Variants in MAST4 observed in about 807,000 individuals in gnomAD.
MAST4 encodes the protein microtubule associated serine/threonine kinase family member 4, also known as microtubule-associated serine/threonine-protein kinase 4.
MAST4 carries 89 observed loss-of-function variants against 162.7 expected under a neutral mutation model. That is an observed-to-expected ratio of 0.55 (90% CI 0.46 to 0.65). The LOEUF (loss-of-function observed/expected upper bound fraction) is 0.65. MAST4 is among the 30% of genes least tolerant of loss of function. The probability of loss-of-function intolerance (pLI) is 0.00; values close to 1 mark genes in which losing one functional copy is unlikely to be tolerated. For missense variants in MAST4, 3,153 were observed against 3,374.0 expected, an observed-to-expected ratio of 0.93 and a Z score of 1.62; for synonymous variants, 1,479 against 1,361.1, an observed-to-expected ratio of 1.09 and a Z score of -1.91.
rs751767935 is a variant in MAST4, at chr5:67,166,294, A to G, written c.7115A>G (p.Lys2372Arg). ...AANTDRRAEG[K>R]KCTEALYAPA... ...AACACCGACAGAAGGGCGGAAGGGA[A>G]GAAATGCACTGAAGCACTTTATGCT... Residue 2372 changes from lysine to arginine, a missense_variant, in exon 29 of 29, where the codon AAG becomes AGG. Physicochemically the swap from Lys to Arg is conservative, Grantham distance 26. Coordinates refer to ENST00000403625, the MANE Select transcript of MAST4 (RefSeq NM_001164664.2). 5.1e-6 allele frequency: 8 copies of G among 1,565,744 alleles called. No homozygotes were observed. The East Asian group carries it at 1.9e-4, about 37-fold the overall frequency.
At position 66,874,512 on chromosome 5, in the gene MAST4, G is replaced by A. The variant is rs1399722118; in HGVS notation, c.643-25439G>A. ...AAACAGGTTCATAAAGATGGTATGA[G>A]ATTTTGAGTATGTGAGAGCAAATAG... On this transcript the variant is annotated intron_variant, in intron 3 of 28. Coordinates refer to ENST00000403625, the MANE Select transcript of MAST4 (RefSeq NM_001164664.2). Among the ~76,000 whole-genome samples, 3 of 152,144 alleles carry A rather than the reference G, an allele frequency of 2.0e-5. No individual in the cohort carries two copies. In the East Asian group the frequency reaches 5.8e-4, roughly 29 times the overall value.
At chr5:66,834,054 T>A (rs1366945725) in intron 3 of MAST4, among the ~76,000 whole-genome samples, 2 of 152,182 alleles carry the variant, frequency 1.3e-5, no homozygotes, top group African/African-American at 4.8e-5. Context: ...TTAGCTGTCT[T>A]CCCTCTGTCA....
intron 1 of MAST4, among the ~76,000 whole-genome samples, chr5:66,629,922 CTATT>C (rs1432795151): frequency 5.9e-5 from 9 of 152,144 alleles, no homozygotes; most frequent in African/African-American, 2.2e-4. Flanking sequence ...TTTGCCTTAA[CTATT>C]AACTTGTAAG....
At chr5:66,758,500 T>G (rs1753680381) in intron 1 of MAST4, among the ~76,000 whole-genome samples, 1 of 152,166 alleles carries the variant, frequency 6.6e-6, no homozygotes, top group African/African-American at 2.4e-5. Context: ...CACTGTAGAC[T>G]TGACCTCCTG....
intron 3 of MAST4, among the ~76,000 whole-genome samples, chr5:66,879,090 C>T (rs1761501191): frequency 6.6e-6 from 1 of 152,036 alleles, no homozygotes; most frequent in Non-Finnish European, 1.5e-5. Flanking sequence ...CCATCCTGGC[C>T]AACATGGTGA....
At chr5:66,952,443 A>G (rs2150134021) in intron 4 of MAST4, among the ~76,000 whole-genome samples, 1 of 152,268 alleles carries the variant, frequency 6.6e-6, no homozygotes. Flanking sequence ...GCTTGAAAAA[A>G]TGAACTCCAG....
intron 4 of MAST4, among the ~76,000 whole-genome samples, chr5:66,965,590 G>GGGGA (rs1746624033): frequency 1.3e-4 from 16 of 120,976 alleles, no homozygotes; most frequent in African/African-American, 4.6e-4. Flanking sequence ...GTGGGGGCGG[G>GGGGA]GGGGGGGGCG....
chr5:66,658,153 GAGCTGAGGAA>G, intron 1 of MAST4, among the ~76,000 whole-genome samples: 1 of 152,336 alleles, frequency 6.6e-6, no homozygotes, highest in Middle Eastern at 3.4e-3. Flanking sequence ...CGTATAAAGA[GAGCTGAGGAA>G]TAGGAATAAT....
intron 1 of MAST4, among the ~76,000 whole-genome samples, chr5:66,687,724 T>C (rs756494988): frequency 9.9e-5 from 15 of 152,148 alleles, no homozygotes; most frequent in Non-Finnish European, 1.8e-4. Context: ...ATGGATACTT[T>C]GGTTGAATCC....
chr5:67,158,970 G>C (rs1233743679), intron 26 of MAST4, among the ~76,000 whole-genome samples: 1 of 152,190 alleles, frequency 6.6e-6, no homozygotes, highest in African/African-American at 2.4e-5. Flanking sequence ...GGAGGTAGAG[G>C]TTGCAGTGAG....
chr5:66,868,657 C>G (rs1299635177), intron 3 of MAST4, among the ~76,000 whole-genome samples: 1 of 151,986 alleles, frequency 6.6e-6, no homozygotes, highest in Non-Finnish European at 1.5e-5. Flanking sequence ...CCTCCAGGCT[C>G]TTCCTTGTTT....
intron 14 of MAST4, among the ~76,000 whole-genome samples, chr5:67,123,708 A>C (rs1023100694): frequency 6.6e-4 from 100 of 152,338 alleles, no homozygotes; most frequent in African/African-American, 2.4e-3. Flanking sequence ...CATAACTTCA[A>C]ATGTTTTCAA....
At position 67,135,167 on chromosome 5, in the gene MAST4, A is replaced by G. The variant is rs557223698; in HGVS notation, c.2392+479A>G. On this transcript the variant is annotated intron_variant, in intron 18 of 28. Coordinates refer to ENST00000403625, the MANE Select transcript of MAST4 (RefSeq NM_001164664.2). ...CCAAATAATAAATAATGAGAATGGG[A>G]AAGAAGCAAGTTGAATCCACAGATT... Among the ~76,000 whole-genome samples, 6 of 152,340 alleles carry G rather than the reference A, an allele frequency of 3.9e-5. No homozygotes were observed. In the East Asian group the frequency reaches 1.2e-3, roughly 29 times the overall value.
At chr5:66,953,393 G>T (rs1363935) in intron 4 of MAST4, among the ~76,000 whole-genome samples, 8,200 of 152,190 alleles carry the variant, frequency 0.054, 327 homozygotes, top group Middle Eastern at 0.11. Context: ...TCTTATGTCA[G>T]CCTATTTAAC....
chr5:66,895,804 C>G (rs1004943733), intron 3 of MAST4, among the ~76,000 whole-genome samples: 2 of 152,170 alleles, frequency 1.3e-5, no homozygotes, highest in African/African-American at 4.8e-5. Flanking sequence ...CATCAGTCTT[C>G]CCTTCTCCCT....
intron 3 of MAST4, among the ~76,000 whole-genome samples, chr5:66,799,063 G>C (rs1295193512): frequency 1.3e-5 from 2 of 152,162 alleles, no homozygotes; most frequent in Admixed American, 1.3e-4. Context: ...CTCCTTGACA[G>C]ATTCACATGA....
intron 4 of MAST4, among the ~76,000 whole-genome samples, chr5:67,017,216 CCA>C (rs1374289530): frequency 6.6e-6 from 1 of 152,060 alleles, no homozygotes; most frequent in African/African-American, 2.4e-5. Flanking sequence ...ATTCTCTAAA[CCA>C]CACACACACA....
At chr5:67,120,717 C>G (rs1767479356) in intron 13 of MAST4, among the ~76,000 whole-genome samples, 2 of 152,046 alleles carry the variant, frequency 1.3e-5, no homozygotes, top group Admixed American at 1.3e-4. Context: ...GAGTTAAATT[C>G]CAAAATGTTA....
chr5:66,986,515 C>G, intron 4 of MAST4: 1 of 1,544,070 alleles, frequency 6.5e-7, no homozygotes, highest in Non-Finnish European at 8.8e-7. Context: ...AAAACATATC[C>G]AAAGCTCATA....
Sources: gnomAD v4.1 joint callset for allele counts (sites outside exome capture counted in the v4.1 genomes callset) on GRCh38, gnomAD v4.1.1 for gene constraint, MANE v1.5 for transcripts, NCBI Gene and HGNC (gene_info 2026-07-23, HGNC 2026-07-21) for gene names.